The following RIGI variants were observed in gnomAD, a reference collection of about 807,000 sequenced individuals.
RIGI encodes RNA sensor RIG-I, also known as antiviral innate immune response receptor RIG-I.
chr9:32,505,738 C>A, the RIGI span, among the ~76,000 whole-genome samples: 3 of 152,150 alleles, frequency 2.0e-5, no homozygotes. Flanking sequence ...TAAATATGTA[C>A]CTACATCAAC....
chr9:32,511,225 A>G, the RIGI span, among the ~76,000 whole-genome samples: 1 of 152,194 alleles, frequency 6.6e-6, no homozygotes, highest in Non-Finnish European at 1.5e-5. Flanking sequence ...TCAGCTCTGG[A>G]CAAAGCTGAC....
the RIGI span, chr9:32,466,172 A>G: frequency 2.0e-6 from 2 of 1,022,682 alleles, no homozygotes; most frequent in South Asian, 3.0e-5. Flanking sequence ...TTCACTAAGT[A>G]TAAACTTTTT....
the RIGI span, among the ~76,000 whole-genome samples, chr9:32,489,673 AAC>A: frequency 6.6e-6 from 1 of 152,150 alleles, no homozygotes; most frequent in Non-Finnish European, 1.5e-5. Flanking sequence ...AAAAAAAAAA[AAC>A]ATGAATTATT....
chr9:32,500,337 CA>C, the RIGI span, among the ~76,000 whole-genome samples: 1 of 152,160 alleles, frequency 6.6e-6, no homozygotes, highest in African/African-American at 2.4e-5. Flanking sequence ...TTTATGATCT[CA>C]AGCCTCCTTC....
the RIGI span, chr9:32,472,884 A>ATT: frequency 1.6e-6 from 1 of 609,550 alleles, no homozygotes; most frequent in Non-Finnish European, 2.4e-6. Flanking sequence ...TGAAATATAT[A>ATT]TTATATATAT....
the RIGI span, among the ~76,000 whole-genome samples, chr9:32,486,453 C>CAAAAA: frequency 1.6e-4 from 10 of 60,788 alleles, no homozygotes; most frequent in African/African-American, 3.0e-4. Context: ...GACTCTGTCT[C>CAAAAA]AAAAAAAAAA....
the RIGI span, chr9:32,472,916 C>T: frequency 3.5e-6 from 4 of 1,148,608 alleles, no homozygotes; most frequent in Non-Finnish European, 5.0e-6. Context: ...TATACATACA[C>T]ACACACACAT....
chr9:32,468,877 G>A, the RIGI span, among the ~76,000 whole-genome samples: 19,661 of 152,116 alleles, frequency 0.13, 1,318 homozygotes, highest in Middle Eastern at 0.19. Context: ...TATGAAAGAG[G>A]CAATGCTATC....
At chr9:32,475,324 G>A in the RIGI span, among the ~76,000 whole-genome samples, 1 of 152,038 alleles carries the variant, frequency 6.6e-6, no homozygotes, top group African/African-American at 2.4e-5. Flanking sequence ...CCTCTAAAAT[G>A]TATATAGAAA....
chr9:32,466,310 C>T, the RIGI span: 1,365 of 1,613,710 alleles, frequency 8.5e-4, 11 homozygotes, highest in African/African-American at 0.016. Flanking sequence ...AATACTGCTT[C>T]GTCCCATGTC....
At chr9:32,503,129 T>A in the RIGI span, among the ~76,000 whole-genome samples, 2 of 152,238 alleles carry the variant, frequency 1.3e-5, no homozygotes, top group South Asian at 4.1e-4. Flanking sequence ...AGCCCATTCC[T>A]TACAGCTGTA....
At chr9:32,463,332 C>T in the RIGI span, among the ~76,000 whole-genome samples, 39 of 151,952 alleles carry the variant, frequency 2.6e-4, no homozygotes, top group East Asian at 7.0e-3. Flanking sequence ...AATTGAAATC[C>T]CTGGGTTATA....
At chr9:32,472,912 TACAC>T in the RIGI span, 10 of 1,057,184 alleles carry the variant, frequency 9.5e-6, no homozygotes, top group Non-Finnish European at 1.1e-5. Flanking sequence ...CACATATACA[TACAC>T]ACACACACAT....
chr9:32,507,882 T>C, the RIGI span, among the ~76,000 whole-genome samples: 3 of 152,146 alleles, frequency 2.0e-5, no homozygotes, highest in Non-Finnish European at 4.4e-5. Flanking sequence ...GGATTCTGCT[T>C]TCTGACTCAT....
At chr9:32,476,282 G>C in the RIGI span, among the ~76,000 whole-genome samples, 2 of 152,156 alleles carry the variant, frequency 1.3e-5, no homozygotes, top group African/African-American at 4.8e-5. Flanking sequence ...GATTATGTGA[G>C]GCCAGGAATT....
chr9:32,464,703 T>G, the RIGI span, among the ~76,000 whole-genome samples: 1 of 152,190 alleles, frequency 6.6e-6, no homozygotes, highest in African/African-American at 2.4e-5. Context: ...AAGCAAATCC[T>G]TCCCCTTTGA....
chr9:32,512,032 A>G, the RIGI span, among the ~76,000 whole-genome samples: 1 of 152,244 alleles, frequency 6.6e-6, no homozygotes, highest in African/African-American at 2.4e-5. Flanking sequence ...TAAACCAGGA[A>G]GAAGTCAAAT....
At chr9:32,512,873 C>G in the RIGI span, among the ~76,000 whole-genome samples, 1 of 152,042 alleles carries the variant, frequency 6.6e-6, no homozygotes. Context: ...TCAGCAAAGT[C>G]TCAGGATACA....
chr9:32,521,868 A>G, the RIGI span, among the ~76,000 whole-genome samples: 1 of 152,168 alleles, frequency 6.6e-6, no homozygotes. Flanking sequence ...TTTCCTTGTC[A>G]ACTGTGTCTT....
Sources: allele counts gnomAD v4.1 joint callset (sites outside exome capture counted in the v4.1 genomes callset), GRCh38; gene constraint gnomAD v4.1.1; transcripts MANE v1.5; gene names NCBI Gene and HGNC (gene_info 2026-07-23, HGNC 2026-07-21).